GALNTL6: variants seen among roughly 807,000 people sequenced by gnomAD.
GALNTL6 encodes the protein polypeptide N-acetylgalactosaminyltransferase like 6, also known as polypeptide N-acetylgalactosaminyltransferase-like 6.
GALNTL6 carries 46 observed loss-of-function variants against 73.7 expected under a neutral mutation model. That is an observed-to-expected ratio of 0.62 (90% CI 0.49 to 0.80). The LOEUF is 0.80. Among genes scored for constraint, GALNTL6 ranks in the 30% least tolerant of loss-of-function variants. The pLI, the probability that GALNTL6 is intolerant of heterozygous loss-of-function variation, is 0.00. For synonymous variants in GALNTL6, 259 were observed against 263.7 expected, an observed-to-expected ratio of 0.98 and a Z score of 0.17; for missense variants, 604 against 755.0, an observed-to-expected ratio of 0.80 and a Z score of 2.34.
At chr4:172,610,515 G>T (rs912448467) in intron 5 of GALNTL6, among the ~76,000 whole-genome samples, 2 of 152,002 alleles carry the variant, frequency 1.3e-5, no homozygotes, top group Non-Finnish European at 2.9e-5. Context: ...GACCTTCTTG[G>T]TATTTGTTTC....
At chr4:172,166,222 G>T (rs1264725997) in intron 2 of GALNTL6, among the ~76,000 whole-genome samples, 5 of 152,142 alleles carry the variant, frequency 3.3e-5, no homozygotes, top group Non-Finnish European at 7.3e-5. Context: ...ACTTTGGGAG[G>T]CTGAGGCAGG....
chr4:172,076,715 C>T (rs1263069138), intron 2 of GALNTL6, among the ~76,000 whole-genome samples: 1 of 152,098 alleles, frequency 6.6e-6, no homozygotes, highest in African/African-American at 2.4e-5. Flanking sequence ...TTAAGTAAAG[C>T]TCATAAAGAT....
At chr4:172,077,841 A>G (rs1340302067) in intron 2 of GALNTL6, among the ~76,000 whole-genome samples, 1 of 152,158 alleles carries the variant, frequency 6.6e-6, no homozygotes. Context: ...AGCCCCTCCC[A>G]TCACAGGCCT....
In GALNTL6 at chr4:172,785,319, A is replaced by G. The variant is rs1035322421; in HGVS notation, c.554-24042A>G. Among the ~76,000 whole-genome samples the G allele has an allele frequency of 7.9e-5, 12 of 152,274 alleles. 1 individual carries two copies. The highest frequency in any genetic ancestry group is 2.9e-4 in the African/African-American group (12 of 41,566). On this transcript the variant is annotated intron_variant, in intron 5 of 12. Transcript: ENST00000506823. ...GACTTATACTTTCAGAATAGTTTAA[A>G]TTTTTCAAAATATTTCAGTATTTAT...
chr4:172,826,342 T>TAGCCCAC (rs1742266913), intron 7 of GALNTL6, among the ~76,000 whole-genome samples: 1 of 152,252 alleles, frequency 6.6e-6, no homozygotes, highest in African/African-American at 2.4e-5. Flanking sequence ...GGCAGGACTG[T>TAGCCCAC]AGCCCACAGC....
intron 8 of GALNTL6, among the ~76,000 whole-genome samples, chr4:172,927,586 C>T (rs374682147): frequency 1.3e-5 from 2 of 151,862 alleles, no homozygotes; most frequent in East Asian, 1.9e-4. Flanking sequence ...TATGGAGTCT[C>T]GGGGGGATGA....
intron 3 of GALNTL6, among the ~76,000 whole-genome samples, chr4:172,231,910 A>G (rs994277008): frequency 6.6e-6 from 1 of 152,056 alleles, no homozygotes; most frequent in Admixed American, 6.6e-5. Flanking sequence ...CATCTTTGCT[A>G]TGACCAAGGG....
chr4:172,632,729 G>T (rs892933062), intron 5 of GALNTL6, among the ~76,000 whole-genome samples: 3 of 152,216 alleles, frequency 2.0e-5, no homozygotes, highest in African/African-American at 7.2e-5. Context: ...TCCAGAGCAT[G>T]TTACAGACCT....
intron 9 of GALNTL6, among the ~76,000 whole-genome samples, chr4:172,940,315 A>T (rs1365552605): frequency 6.6e-6 from 1 of 151,986 alleles, no homozygotes; most frequent in Non-Finnish European, 1.5e-5. Flanking sequence ...ACTCAAACCT[A>T]ATTCCACTTC....
At chr4:172,010,885 G>T (rs1160622710) in intron 2 of GALNTL6, among the ~76,000 whole-genome samples, 1 of 152,068 alleles carries the variant, frequency 6.6e-6, no homozygotes, top group Non-Finnish European at 1.5e-5. Context: ...GGTTGTAAGA[G>T]TAATTTTTCA....
At chr4:172,580,990 G>A (rs1737163556) in intron 5 of GALNTL6, among the ~76,000 whole-genome samples, 2 of 152,170 alleles carry the variant, frequency 1.3e-5, no homozygotes, top group Admixed American at 1.3e-4. Context: ...TCAAGCTCCT[G>A]ACCTCAGGTG....
At chr4:172,350,563 T>C (rs749732744) in intron 5 of GALNTL6, among the ~76,000 whole-genome samples, 1 of 152,162 alleles carries the variant, frequency 6.6e-6, no homozygotes, top group Non-Finnish European at 1.5e-5. Context: ...TGGACATTTC[T>C]AAGGATAATC....
rs1735101066 is a variant in GALNTL6 at position 171,836,587 on chromosome 4, TATG to T, written c.138+21872_138+21874del. ...TCTAGTTCTCCAACATCATCGTAAA[TATG>T]ATATGATTGTATTATTAATTCCCTG... On this transcript the variant is annotated intron_variant, in intron 2 of 12. Coordinates refer to ENST00000506823, the MANE Select transcript of GALNTL6 (RefSeq NM_001034845.3). 3.9e-5 allele frequency among the ~76,000 whole-genome samples: 6 copies of T among 152,228 alleles called. No homozygotes were observed. In the South Asian group the frequency reaches 1.2e-3, roughly 32 times the overall value.
At chr4:171,940,745 G>C (rs1045369182) in intron 2 of GALNTL6, among the ~76,000 whole-genome samples, 2 of 151,742 alleles carry the variant, frequency 1.3e-5, no homozygotes, top group Non-Finnish European at 2.9e-5. Context: ...GTAAACCCGG[G>C]AGGCGGAGCT....
At chr4:172,903,588 T>A (rs941736444) in intron 8 of GALNTL6, among the ~76,000 whole-genome samples, 1 of 152,206 alleles carries the variant, frequency 6.6e-6, no homozygotes, top group African/African-American at 2.4e-5. Context: ...ACATTTATTT[T>A]ATTTACCAGT....
intron 5 of GALNTL6, among the ~76,000 whole-genome samples, chr4:172,513,311 T>G (rs1561116351): frequency 6.6e-6 from 1 of 152,178 alleles, no homozygotes; most frequent in Non-Finnish European, 1.5e-5. Flanking sequence ...GTTGTGATTG[T>G]TTTTTATTTA....
chr4:172,394,205 C>T (rs1743765797), intron 5 of GALNTL6, among the ~76,000 whole-genome samples: 1 of 151,836 alleles, frequency 6.6e-6, no homozygotes, highest in South Asian at 2.1e-4. Flanking sequence ...TAATAATTAG[C>T]TAACATTAAA....
At chr4:172,013,485 G>A (rs1376035605) in intron 2 of GALNTL6, among the ~76,000 whole-genome samples, 2 of 78,286 alleles carry the variant, frequency 2.6e-5, no homozygotes, top group Non-Finnish European at 6.3e-5. Flanking sequence ...TCAAATAATA[G>A]GATTTTATTC....
chr4:172,442,449 TTA>T (rs1177943193), intron 5 of GALNTL6, among the ~76,000 whole-genome samples: 2 of 152,200 alleles, frequency 1.3e-5, no homozygotes, highest in Non-Finnish European at 2.9e-5. Flanking sequence ...TACTTAAATT[TTA>T]TAAATAATGC....
Sources: gnomAD v4.1 joint callset for allele counts (sites outside exome capture counted in the v4.1 genomes callset) on GRCh38, gnomAD v4.1.1 for gene constraint, MANE v1.5 for transcripts, NCBI Gene and HGNC (gene_info 2026-07-23, HGNC 2026-07-21) for gene names.